Variants in CSNK2A2IP observed in about 807,000 individuals in gnomAD.
CSNK2A2IP encodes casein kinase 2 subunit alpha' interacting protein.
chr3:88,409,588 G>GA, the CSNK2A2IP span, among the ~76,000 whole-genome samples: 2 of 151,624 alleles, frequency 1.3e-5, no homozygotes, highest in Non-Finnish European at 2.9e-5. Context: ...GAGGCAAATA[G>GA]AAAAAAATAG....
At chr3:88,467,349 A>ACGTC in the CSNK2A2IP span, 1 of 397,452 alleles carries the variant, frequency 2.5e-6, no homozygotes, top group Non-Finnish European at 4.4e-6. Flanking sequence ...TCACTCTCTC[A>ACGTC]CGTCCTGTAT....
At chr3:88,466,677 A>G in the CSNK2A2IP span, 927,733 of 1,199,598 alleles carry the variant, frequency 0.77, 363,043 homozygotes, top group East Asian at 0.94. Context: ...ATTCTATCTC[A>G]AATACCAGAA....
chr3:88,431,038 A>G, the CSNK2A2IP span, among the ~76,000 whole-genome samples: 2 of 152,244 alleles, frequency 1.3e-5, no homozygotes, highest in African/African-American at 4.8e-5. Flanking sequence ...TTTAAGATGC[A>G]TTCTACTAAA....
At chr3:88,359,474 GTCTT>G in the CSNK2A2IP span, among the ~76,000 whole-genome samples, 1 of 151,318 alleles carries the variant, frequency 6.6e-6, no homozygotes, top group African/African-American at 2.4e-5. Flanking sequence ...TTTTTTTGAA[GTCTT>G]TCTATTTTTT....
At chr3:88,443,422 G>T in the CSNK2A2IP span, among the ~76,000 whole-genome samples, 1 of 152,148 alleles carries the variant, frequency 6.6e-6, no homozygotes, top group Non-Finnish European at 1.5e-5. Context: ...TGAGAAAAGA[G>T]GTGCAGAGAT....
chr3:88,365,891 C>T, the CSNK2A2IP span, among the ~76,000 whole-genome samples: 2 of 152,050 alleles, frequency 1.3e-5, no homozygotes, highest in Non-Finnish European at 2.9e-5. Flanking sequence ...ACCATTTTAA[C>T]TCAGGGAAAC....
the CSNK2A2IP span, among the ~76,000 whole-genome samples, chr3:88,463,009 A>T: frequency 6.6e-6 from 1 of 152,234 alleles, no homozygotes; most frequent in East Asian, 1.9e-4. Context: ...TACTTTAAAA[A>T]TAAATGCAAA....
the CSNK2A2IP span, among the ~76,000 whole-genome samples, chr3:88,397,335 A>G: frequency 6.6e-6 from 1 of 152,026 alleles, no homozygotes; most frequent in Non-Finnish European, 1.5e-5. Context: ...TTCTACTTTG[A>G]TTTCTTATGT....
the CSNK2A2IP span, among the ~76,000 whole-genome samples, chr3:88,376,391 G>A: frequency 3.3e-5 from 5 of 151,430 alleles, no homozygotes; most frequent in Non-Finnish European, 7.4e-5. Context: ...TGAATACTGA[G>A]GACTTTTGAT....
At chr3:88,384,194 G>A in the CSNK2A2IP span, among the ~76,000 whole-genome samples, 2,108 of 151,828 alleles carry the variant, frequency 0.014, 31 homozygotes, top group African/African-American at 0.03. Flanking sequence ...CAGCAAACCC[G>A]GAAACAAATA....
chr3:88,417,207 A>G, the CSNK2A2IP span, among the ~76,000 whole-genome samples: 1 of 152,034 alleles, frequency 6.6e-6, no homozygotes, highest in Admixed American at 6.6e-5. Context: ...AATTTAGTTT[A>G]TTTACACAAT....
At chr3:88,359,328 T>C in the CSNK2A2IP span, among the ~76,000 whole-genome samples, 1 of 145,028 alleles carries the variant, frequency 6.9e-6, no homozygotes, top group Non-Finnish European at 1.6e-5. Flanking sequence ...AAAAACAAAA[T>C]TCATTGGTTT....
At chr3:88,414,437 C>T in the CSNK2A2IP span, among the ~76,000 whole-genome samples, 1 of 151,220 alleles carries the variant, frequency 6.6e-6, no homozygotes, top group African/African-American at 2.4e-5. Flanking sequence ...CGTGCCCCAA[C>T]ACGCCCAGCT....
At chr3:88,424,325 C>T in the CSNK2A2IP span, among the ~76,000 whole-genome samples, 1 of 151,986 alleles carries the variant, frequency 6.6e-6, no homozygotes, top group Admixed American at 6.6e-5. Flanking sequence ...TACCTTTTTG[C>T]CTGTTATCGA....
the CSNK2A2IP span, among the ~76,000 whole-genome samples, chr3:88,386,419 C>T: frequency 6.6e-6 from 1 of 152,180 alleles, no homozygotes; most frequent in Non-Finnish European, 1.5e-5. Context: ...AGCCAGCGTA[C>T]CCAGCCGCAA....
chr3:88,416,410 G>C, the CSNK2A2IP span, among the ~76,000 whole-genome samples: 1 of 152,074 alleles, frequency 6.6e-6, no homozygotes, highest in African/African-American at 2.4e-5. Context: ...ACAGAGTCAA[G>C]ATGTTCCCTA....
At chr3:88,430,174 G>A in the CSNK2A2IP span, among the ~76,000 whole-genome samples, 5 of 152,066 alleles carry the variant, frequency 3.3e-5, no homozygotes, top group Admixed American at 1.3e-4. Flanking sequence ...TTCAACCAAG[G>A]ATGGAGGGAC....
the CSNK2A2IP span, among the ~76,000 whole-genome samples, chr3:88,444,426 A>G: frequency 1.3e-5 from 2 of 152,192 alleles, no homozygotes; most frequent in Non-Finnish European, 2.9e-5. Context: ...ATTGCAGAAA[A>G]CTGAAATGTT....
the CSNK2A2IP span, among the ~76,000 whole-genome samples, chr3:88,359,039 C>CTT: frequency 2.0e-4 from 30 of 148,082 alleles, no homozygotes; most frequent in Non-Finnish European, 3.9e-4. Flanking sequence ...TACGCGTGCT[C>CTT]TTTTTTTTTG....
Sources: gnomAD v4.1 joint callset for allele counts (sites outside exome capture counted in the v4.1 genomes callset) on GRCh38, gnomAD v4.1.1 for gene constraint, MANE v1.5 for transcripts, NCBI Gene and HGNC (gene_info 2026-07-23, HGNC 2026-07-21) for gene names.